The following KIAA1217 variants were observed in gnomAD, a reference collection of about 807,000 sequenced individuals.
KIAA1217 encodes the protein sickle tail protein homolog.
In KIAA1217, 88 loss-of-function variants were observed where a neutral mutation model predicts 163.9. That is an observed-to-expected ratio of 0.54 (90% CI 0.45 to 0.64). KIAA1217 has a LOEUF of 0.64. Among genes scored for constraint, KIAA1217 ranks in the 30% least tolerant of loss-of-function variants. The probability of loss-of-function intolerance (pLI) is 0.00; values close to 1 mark genes in which losing one functional copy is unlikely to be tolerated. For missense variants in KIAA1217, 2,372 were observed against 2,475.0 expected (o/e 0.96, Z 0.88); for synonymous variants, 903 against 923.1 (o/e 0.98, Z 0.39).
intron 1 of KIAA1217, among the ~76,000 whole-genome samples, chr10:23,789,989 ACATATACACATATG>A (rs1835678655): frequency 7.9e-6 from 1 of 125,960 alleles, no homozygotes; most frequent in Non-Finnish European, 1.6e-5. Context: ...ATACACATAT[ACATATACACATATG>A]CACATACACA....
intron 1 of KIAA1217, among the ~76,000 whole-genome samples, chr10:23,818,255 T>A (rs947452699): frequency 1.4e-5 from 2 of 143,298 alleles, no homozygotes; most frequent in Admixed American, 1.4e-4. Context: ...TAATATATAT[T>A]TTATATGTAA....
At chr10:24,046,445 A>G (rs1354312581) in intron 2 of KIAA1217, among the ~76,000 whole-genome samples, 1 of 152,246 alleles carries the variant, frequency 6.6e-6, no homozygotes, top group African/African-American at 2.4e-5. Context: ...CCTGAGATTT[A>G]TAAAGAAAAG....
rs1012125050 is a variant in KIAA1217 at position 23,726,979 on chromosome 10, C to CTTTTTTTTTTTTTTTTTTTTT, written c.-321+31751_-321+31771dup. 6.4e-5 allele frequency among the ~76,000 whole-genome samples: 6 copies of CTTTTTTTTTTTTTTTTTTTTT among 93,416 alleles called. 2 individuals are homozygous for CTTTTTTTTTTTTTTTTTTTTT. The highest frequency in any genetic ancestry group is 2.9e-4 in the African/African-American group (6 of 20,686). The allele number at this position is 93,416 out of a possible 152,430, so 61.3% of individuals were successfully genotyped here. ...ATTTCCATGCCATTTGTATAGGCCT[C>CTTTTTTTTTTTTTTTTTTTTT]TTTTTTTTTTTTTTTTTTTTTTTTT... On this transcript the variant is annotated intron_variant, in intron 1 of 18. Transcript: ENST00000376462.
At chr10:24,157,567 G>T (rs1374986135) in intron 2 of KIAA1217, among the ~76,000 whole-genome samples, 1 of 152,036 alleles carries the variant, frequency 6.6e-6, no homozygotes, top group Non-Finnish European at 1.5e-5. Context: ...CTTGACCCAA[G>T]GTCACAAAGA....
chr10:24,438,726 T>G lies in KIAA1217; in HGVS notation c.846+247T>G, dbSNP rs147527425. 3.8e-3 allele frequency among the ~76,000 whole-genome samples: 580 copies of G among 152,354 alleles called. 2 individuals carry two copies. The highest frequency in any genetic ancestry group is 0.013 in the African/African-American group (527 of 41,584). Reference sequence around the variant, plus strand: ...TTTAAGCAAGGAGTTATGTCCTTACTTTAAATGAATTCTGAAAATCTTCCT... The same window carrying G: ...TTTAAGCAAGGAGTTATGTCCTTACGTTAAATGAATTCTGAAAATCTTCCT... On this transcript the variant is annotated intron_variant, in intron 5 of 20. Transcript: ENST00000376454.
intron 5 of KIAA1217, among the ~76,000 whole-genome samples, chr10:24,463,125 AG>A: frequency 6.6e-6 from 1 of 152,346 alleles, no homozygotes; most frequent in Middle Eastern, 3.4e-3. Context: ...ACATGGGAGT[AG>A]CCCAGCAGAA....
chr10:24,495,128 C>A lies in KIAA1217; in HGVS notation c.1785-19C>A. On this transcript the variant is annotated intron_variant, in intron 7 of 20. Transcript: ENST00000376454. The stretch of plus-strand genomic sequence containing the variant: ...CATTTTGGAAACTGCATAGCTGACT[C>A]TCTTTTTCTTTTATTCAGCGAGAAA... 1 of 1,602,312 alleles carries A rather than the reference C, an allele frequency of 6.2e-7. No homozygotes were observed. Among genetic ancestry groups the A allele is most frequent in the East Asian group, 2.2e-5 (1 of 44,724 alleles).
intron 2 of KIAA1217, among the ~76,000 whole-genome samples, chr10:24,010,645 G>A (rs1162894666): frequency 6.7e-6 from 1 of 150,214 alleles, no homozygotes; most frequent in Non-Finnish European, 1.5e-5. Flanking sequence ...ATCTGCCAGG[G>A]ATCACATATG....
rs544301783 is a variant in KIAA1217 at position 24,375,693 on chromosome 10, A to T, written c.355-5176A>T. ...AATGAGTCATTCCAAATACATTTGC[A>T]TGTGGAAAACTTCATTGTATTTTCA... On this transcript the variant is annotated intron_variant, in intron 2 of 20. Coordinates refer to ENST00000376454, the MANE Select transcript of KIAA1217 (RefSeq NM_019590.5). Among the ~76,000 whole-genome samples the T allele has an allele frequency of 3.9e-5, 6 of 152,346 alleles. No individual in the cohort carries two copies. In the East Asian group the frequency reaches 9.6e-4, roughly 24 times the overall value.
chr10:24,024,006 C>T (rs1475922440), intron 2 of KIAA1217, among the ~76,000 whole-genome samples: 1 of 151,230 alleles, frequency 6.6e-6, no homozygotes, highest in Non-Finnish European at 1.5e-5. Flanking sequence ...TTCTGAGAGG[C>T]TGGACATAAT....
chr10:24,000,837 C>T (rs1003774167), intron 1 of KIAA1217, among the ~76,000 whole-genome samples: 26 of 152,334 alleles, frequency 1.7e-4, no homozygotes, highest in Middle Eastern at 3.4e-3. Context: ...GCTCGCCCTC[C>T]GTGGGCCTCC....
At chr10:24,206,074 T>C (rs764363558), upstream of KIAA1217, among the ~76,000 whole-genome samples, 9 of 152,190 alleles carry the variant, frequency 5.9e-5, no homozygotes, top group Non-Finnish European at 8.8e-5. Flanking sequence ...TTTTGAGTCA[T>C]GAATTGCAAC....
At chr10:24,245,444 C>A (rs189780249) in intron 2 of KIAA1217, among the ~76,000 whole-genome samples, 1 of 152,228 alleles carries the variant, frequency 6.6e-6, no homozygotes, top group East Asian at 1.9e-4. Flanking sequence ...AGAAAGGGCT[C>A]TCTTTGGACC....
chr10:24,371,333 T>A (rs1323271944), intron 2 of KIAA1217, among the ~76,000 whole-genome samples: 1 of 152,204 alleles, frequency 6.6e-6, no homozygotes, highest in African/African-American at 2.4e-5. Context: ...AAGAATACTG[T>A]ATCATCTACA....
intron 1 of KIAA1217, among the ~76,000 whole-genome samples, chr10:23,996,393 G>A (rs540695172): frequency 3.9e-5 from 6 of 152,136 alleles, no homozygotes; most frequent in Non-Finnish European, 8.8e-5. Flanking sequence ...TCTCCATGTG[G>A]AAAGGGGAGC....
chr10:24,529,556 C>A (rs1477761427), intron 14 of KIAA1217, among the ~76,000 whole-genome samples: 1 of 151,960 alleles, frequency 6.6e-6, no homozygotes, highest in Non-Finnish European at 1.5e-5. Flanking sequence ...CCCATGGATG[C>A]AGAGGACCAA....
At chr10:24,356,978 C>G (rs1258938194) in intron 2 of KIAA1217, among the ~76,000 whole-genome samples, 1 of 152,144 alleles carries the variant, frequency 6.6e-6, no homozygotes, top group East Asian at 1.9e-4. Flanking sequence ...AAATTAAGGG[C>G]CAGATAAATG....
chr10:24,502,263 A>AT (rs1186957344), intron 9 of KIAA1217, among the ~76,000 whole-genome samples: 29 of 59,638 alleles, frequency 4.9e-4, no homozygotes, highest in South Asian at 9.8e-4. Flanking sequence ...TTTTTTTTTC[A>AT]TTTTTTTTGC....
intron 2 of KIAA1217, among the ~76,000 whole-genome samples, chr10:24,061,166 G>A (rs1324855538): frequency 6.6e-6 from 1 of 151,886 alleles, no homozygotes; most frequent in Non-Finnish European, 1.5e-5. Flanking sequence ...TTTTTCTTCT[G>A]TAGGTATTTT....
Sources: allele counts gnomAD v4.1 joint callset (sites outside exome capture counted in the v4.1 genomes callset), GRCh38; gene constraint gnomAD v4.1.1; transcripts MANE v1.5; gene names NCBI Gene and HGNC (gene_info 2026-07-23, HGNC 2026-07-21).